Variants in IL20RB observed in about 807,000 individuals in gnomAD.
IL20RB encodes interleukin 20 receptor subunit beta.
Under a neutral mutation model 33.3 loss-of-function variants are expected in IL20RB, and 21 were observed. The observed-to-expected ratio is 0.63, with a 90% confidence interval of 0.45 to 0.91. The LOEUF (loss-of-function observed/expected upper bound fraction) is 0.91. IL20RB is among the 40% of genes least tolerant of loss of function. The probability of loss-of-function intolerance (pLI) is 0.00; values close to 1 mark genes in which losing one functional copy is unlikely to be tolerated. For missense variants in IL20RB, 345 were observed against 384.8 expected (o/e 0.90, Z 0.86); for synonymous variants, 147 against 146.8 (o/e 1.00, Z -0.01).
At chr3:136,971,936 A>G (rs1941496745) in intron 1 of IL20RB, among the ~76,000 whole-genome samples, 1 of 152,154 alleles carries the variant, frequency 6.6e-6, no homozygotes, top group African/African-American at 2.4e-5. Flanking sequence ...TGGCTGTACT[A>G]GTTTACATTC....
At chr3:137,008,192 A>G (rs926136346) in intron 6 of IL20RB, among the ~76,000 whole-genome samples, 1 of 152,074 alleles carries the variant, frequency 6.6e-6, no homozygotes, top group Non-Finnish European at 1.5e-5. Context: ...TCTTCAATGA[A>G]CCGTCCAAGT....
intron 4 of IL20RB, among the ~76,000 whole-genome samples, chr3:136,991,134 T>A (rs1208775297): frequency 1.3e-5 from 2 of 151,936 alleles, no homozygotes; most frequent in Non-Finnish European, 1.5e-5. Context: ...GGTGGATGAG[T>A]GAGGAGGTGC....
intron 1 of IL20RB, among the ~76,000 whole-genome samples, chr3:136,975,059 C>T (rs1269680152): frequency 1.3e-5 from 2 of 152,136 alleles, no homozygotes; most frequent in East Asian, 1.9e-4. Flanking sequence ...TTGTATCCCA[C>T]TGAGCTTCTT....
At chr3:136,961,796 G>T (rs768386709) in intron 1 of IL20RB, among the ~76,000 whole-genome samples, 1 of 152,090 alleles carries the variant, frequency 6.6e-6, no homozygotes, top group Non-Finnish European at 1.5e-5. Flanking sequence ...TTGGGTGAAG[G>T]ATGTATAGGA....
rs6774347 is a variant in IL20RB at position 137,010,636 on chromosome 3, G to A, written c.*413G>A. 1,761 of 157,256 alleles carry A rather than the reference G, an allele frequency of 0.011. 24 individuals are homozygous for A. The highest frequency in any genetic ancestry group is 0.04 in the African/African-American group (1,671 of 41,686). The allele number at this position is 157,256 out of a possible 1,614,324, so 9.7% of individuals were successfully genotyped here. On this transcript the variant is annotated 3_prime_UTR_variant, in exon 7 of 7. Transcript: ENST00000329582. ...AGAGGGAAACTGGTGACACTCTACA[G>A]TCTGACTGATTCAGTGTTTCTGGAG...
At chr3:136,997,961 G>T (rs762801476) in intron 6 of IL20RB, among the ~76,000 whole-genome samples, 1 of 151,686 alleles carries the variant, frequency 6.6e-6, no homozygotes, top group Non-Finnish European at 1.5e-5. Context: ...GTAGAGACAG[G>T]GTTTCACCAT....
Position 136,990,783 on chromosome 3 carries a change from T to C in IL20RB, c.532-1155T>C, listed in dbSNP as rs556734029. On this transcript the variant is annotated intron_variant, in intron 4 of 6. Coordinates refer to ENST00000329582, the MANE Select transcript of IL20RB (RefSeq NM_144717.4). ...CAAAGAGGGCTGTAGGTTGGGTAGC[T>C]TCCCATGAAAGGTGGTGTGGGCAGG... 2.6e-5 allele frequency among the ~76,000 whole-genome samples: 4 copies of C among 152,182 alleles called. No homozygotes were observed. The South Asian group carries it at 8.3e-4, about 32-fold the overall frequency.
At chr3:137,000,741 C>G (rs1942226748) in intron 6 of IL20RB, among the ~76,000 whole-genome samples, 1 of 152,178 alleles carries the variant, frequency 6.6e-6, no homozygotes, top group African/African-American at 2.4e-5. Context: ...GCTCTTCTTT[C>G]TCATACGTGG....
intron 1 of IL20RB, among the ~76,000 whole-genome samples, chr3:136,971,096 C>A (rs1941470062): frequency 6.6e-6 from 1 of 152,148 alleles, no homozygotes; most frequent in South Asian, 2.1e-4. Context: ...CCCTAGTCTG[C>A]TATCAGGTAT....
chr3:137,004,717 C>A (rs1560078442), intron 6 of IL20RB, among the ~76,000 whole-genome samples: 1 of 152,068 alleles, frequency 6.6e-6, no homozygotes, highest in South Asian at 2.1e-4. Context: ...AAAAAACCAG[C>A]TTCTGGATTC....
chr3:136,978,386 G>A (rs1361068244), intron 1 of IL20RB, among the ~76,000 whole-genome samples: 3 of 151,886 alleles, frequency 2.0e-5, no homozygotes, highest in African/African-American at 7.3e-5. Context: ...GGCTGGTCTC[G>A]AACTCCTGAC....
At chr3:137,003,304 A>G (rs1001195902) in intron 6 of IL20RB, among the ~76,000 whole-genome samples, 1 of 152,176 alleles carries the variant, frequency 6.6e-6, no homozygotes, top group Non-Finnish European at 1.5e-5. Context: ...CAATTCTGTG[A>G]AGAAAGTTAT....
chr3:137,010,505 C>T lies in IL20RB; in HGVS notation c.*282C>T, dbSNP rs1300346335. 8 of 336,716 alleles carry T rather than the reference C, an allele frequency of 2.4e-5. No individual in the cohort carries two copies. Among genetic ancestry groups the T allele is most frequent in the African/African-American group, 1.4e-4 (7 of 48,452 alleles). 20.9% of individuals were successfully genotyped at this position (336,716 alleles called of 1,614,324 possible). On this transcript the variant is annotated 3_prime_UTR_variant, in exon 7 of 7. Coordinates refer to ENST00000329582, the MANE Select transcript of IL20RB (RefSeq NM_144717.4). ...TCATCCCTTCGGTCCTAAGTTTTCTCATCTGTAATGGGGGAATTACCTACA... is the reference window on the plus strand; with the variant it reads ...TCATCCCTTCGGTCCTAAGTTTTCTTATCTGTAATGGGGGAATTACCTACA...
rs1184447184 is a variant in IL20RB, at chr3:136,980,577, C to A, written c.200C>A (p.Ser67Tyr). The A allele has an allele frequency of 6.2e-7, 1 of 1,614,078 alleles. No individual in the cohort carries two copies. Among genetic ancestry groups the A allele is most frequent in the Non-Finnish European group, 8.5e-7 (1 of 1,180,036 alleles). The part of the protein sequence containing the change: ...VIAPGETVYY[S>Y]VEYQGEYESL... ...GCGCCTGGAGAAACAGTGTACTATTCTGTCGAATACCAGGGGTGAGTTTTT... is the reference window on the plus strand; with the variant it reads ...GCGCCTGGAGAAACAGTGTACTATTATGTCGAATACCAGGGGTGAGTTTTT... Residue 67 changes from serine to tyrosine, a missense_variant, in exon 2 of 7, where the codon TCT becomes TAT. By Grantham distance (144) the Ser-to-Tyr change is moderately radical. Transcript: ENST00000329582.
chr3:137,003,436 T>G (rs1942286496), intron 6 of IL20RB, among the ~76,000 whole-genome samples: 1 of 152,178 alleles, frequency 6.6e-6, no homozygotes, highest in African/African-American at 2.4e-5. Flanking sequence ...TGTGTCCTCT[T>G]TTATTTCGTT....
At chr3:136,964,502 G>T (rs1344196739) in intron 1 of IL20RB, among the ~76,000 whole-genome samples, 3 of 51,654 alleles carry the variant, frequency 5.8e-5, no homozygotes, top group African/African-American at 2.7e-4. Flanking sequence ...CTTTTGAGAA[G>T]TGTCTGTTCA....
chr3:136,996,213 A>G (rs1577029826), intron 6 of IL20RB, among the ~76,000 whole-genome samples: 1 of 152,156 alleles, frequency 6.6e-6, no homozygotes, highest in South Asian at 2.1e-4. Flanking sequence ...CCATGCACCC[A>G]TGCAATCGTA....
rs538287432 is a variant in IL20RB at position 136,997,255 on chromosome 3, T to C, written c.825+1699T>C. Among the ~76,000 whole-genome samples the C allele has an allele frequency of 3.6e-4, 54 of 152,014 alleles. No individual in the cohort carries two copies. In the East Asian group the frequency reaches 9.3e-3, roughly 26 times the overall value. On this transcript the variant is annotated intron_variant, in intron 6 of 6. Coordinates refer to ENST00000329582, the MANE Select transcript of IL20RB (RefSeq NM_144717.4). ...TTACAGACGCCTGCCACCACACCCATCTAATTTTTGTATTTTTAATAGAGA... is the reference window on the plus strand; with the variant it reads ...TTACAGACGCCTGCCACCACACCCACCTAATTTTTGTATTTTTAATAGAGA...
intron 1 of IL20RB, among the ~76,000 whole-genome samples, chr3:136,959,798 GCT>G (rs955886696): frequency 1.3e-5 from 2 of 152,148 alleles, no homozygotes; most frequent in African/African-American, 4.8e-5. Flanking sequence ...GTGAGTTTTG[GCT>G]CTGTTACTCA....
Sources: allele counts gnomAD v4.1 joint callset (sites outside exome capture counted in the v4.1 genomes callset), GRCh38; gene constraint gnomAD v4.1.1; transcripts MANE v1.5; gene names NCBI Gene and HGNC (gene_info 2026-07-23, HGNC 2026-07-21).